The following DDHD1 variants were observed in gnomAD, a reference collection of about 807,000 sequenced individuals.
The protein encoded by DDHD1 is phospholipase DDHD1.
Under a neutral mutation model 96.4 loss-of-function variants are expected in DDHD1, and 49 were observed. That is an observed-to-expected ratio of 0.51 (90% CI 0.40 to 0.64). The LOEUF is 0.64. Among genes scored for constraint, DDHD1 ranks in the 30% least tolerant of loss-of-function variants. The pLI is 0.00. For missense variants in DDHD1, 1,106 were observed against 1,161.2 expected (o/e 0.95, Z 0.69); for synonymous variants, 442 against 446.5 (o/e 0.99, Z 0.13).
At chr14:53,139,619 G>T (rs12893319) in intron 1 of DDHD1, among the ~76,000 whole-genome samples, 1 of 152,094 alleles carries the variant, frequency 6.6e-6, no homozygotes, top group South Asian at 2.1e-4. Context: ...CTGGGAGGCA[G>T]AAGTTGCAGT....
chr14:53,102,170 G>A (rs1887350429), intron 2 of DDHD1, among the ~76,000 whole-genome samples: 1 of 151,982 alleles, frequency 6.6e-6, no homozygotes, highest in Non-Finnish European at 1.5e-5. Flanking sequence ...ATGATAAAAG[G>A]TCTATCCTTC....
rs1245340011 is a variant in DDHD1 at position 53,098,358 on chromosome 14, CT to C, written c.1013-4915del. On this transcript the variant is annotated intron_variant, in intron 2 of 12. Coordinates refer to ENST00000673822, the MANE Select transcript of DDHD1 (RefSeq NM_001160148.2). ...CCTTACTATATCTTAAAGAAACTTT[CT>C]GCATTATATAACTCTGAAAGCACAA... Among the ~76,000 whole-genome samples, 33 of 152,024 alleles carry C rather than the reference CT, an allele frequency of 2.2e-4. 1 individual carries two copies. The highest frequency in any genetic ancestry group is 1.7e-3 in the Admixed American group (26 of 15,278).
At chr14:53,123,571 G>A (rs577674992) in intron 1 of DDHD1, among the ~76,000 whole-genome samples, 19 of 152,262 alleles carry the variant, frequency 1.2e-4, no homozygotes, top group Admixed American at 3.3e-4. Flanking sequence ...ACTATGCACA[G>A]TAAAAACAAA....
intron 1 of DDHD1, among the ~76,000 whole-genome samples, chr14:53,137,632 T>C (rs970492568): frequency 2.0e-5 from 3 of 151,096 alleles, no homozygotes; most frequent in Admixed American, 6.6e-5. Context: ...TAAAAGAAAA[T>C]CACAGGGCTA....
rs1595105109 is a variant in DDHD1, at chr14:53,063,013, A to C, written c.1696T>G (p.Leu566Val). 3 of 1,613,956 alleles carry C rather than the reference A, an allele frequency of 1.9e-6. No homozygotes were observed. The highest frequency in any genetic ancestry group is 2.5e-6 in the Non-Finnish European group (3 of 1,179,962). Residue 566 changes from leucine (L) to valine (V), a missense_variant, in exon 7 of 13, where the codon TTG (leucine) becomes GTG (valine). Coordinates refer to ENST00000673822, the MANE Select transcript of DDHD1 (RefSeq NM_001160148.2). ...TAGCTCATCCATCGTTCATCAGGCA[A>C]CTCTTCTTCCTTTTGCAGCAACTGT... ...YEQLLQKEEE[L>V]PDERWMSYEE...
intron 8 of DDHD1, among the ~76,000 whole-genome samples, chr14:53,060,066 A>T (rs1883420565): frequency 6.6e-6 from 1 of 152,056 alleles, no homozygotes. Context: ...AAAAACTCTT[A>T]ACGTTTTAAA....
chr14:53,095,854 GTTAAGCCAGAAAAA>G (rs557224866), intron 2 of DDHD1, among the ~76,000 whole-genome samples: 85 of 152,208 alleles, frequency 5.6e-4, no homozygotes, highest in African/African-American at 2.0e-3. Context: ...AGAGATGAGT[GTTAAGCCAGAAAAA>G]TTATTTTCCT....
In DDHD1 at chr14:53,065,728, G is replaced by A. The variant is rs186819191; in HGVS notation, c.1504-2523C>T. The stretch of plus-strand genomic sequence containing the variant: ...CTAATTTAAACTGCTGTGAAGGTAG[G>A]AGTCCCTTCAGTAGCATCCCTGAGA... On this transcript the variant is annotated intron_variant, in intron 6 of 12. Transcript: ENST00000673822. Among the ~76,000 whole-genome samples the A allele has an allele frequency of 1.8e-4, 28 of 152,254 alleles. 1 individual carries two copies. In the East Asian group the frequency reaches 5.2e-3, roughly 28 times the overall value.
chr14:53,145,660 T>C (rs1890930374), intron 1 of DDHD1, among the ~76,000 whole-genome samples: 1 of 152,122 alleles, frequency 6.6e-6, no homozygotes, highest in African/African-American at 2.4e-5. Context: ...TTTCCATTCA[T>C]ATAGTTAATA....
intron 4 of DDHD1, 33 bp from the exon 5 acceptor site, chr14:53,073,880 A>G (rs758548220): frequency 5.3e-5 from 82 of 1,556,800 alleles, no homozygotes; most frequent in Non-Finnish European, 6.9e-5. Context: ...ATGCAAACAA[A>G]GCTTTATGAG....
chr14:53,082,445 T>C (rs1223887097), intron 4 of DDHD1, among the ~76,000 whole-genome samples: 9 of 143,210 alleles, frequency 6.3e-5, no homozygotes, highest in African/African-American at 2.5e-4. Context: ...AAGATACCTT[T>C]TTTTTTTTTT....
At chr14:53,129,111 T>C (rs572173754) in intron 1 of DDHD1, among the ~76,000 whole-genome samples, 41 of 152,332 alleles carry the variant, frequency 2.7e-4, no homozygotes, top group African/African-American at 9.9e-4. Flanking sequence ...CCAGGTGAAA[T>C]AAACAGCCTT....
In DDHD1 at chr14:53,073,852, A is replaced by G. The variant is rs767317061; in HGVS notation, c.1290-5T>C. ...TTTCTTGCAGCTTCTCTCATCCTAA[A>G]AAAACAAACAAACAAAAATGCAAAC... On this transcript the variant is annotated splice_region_variant and splice_polypyrimidine_tract_variant and intron_variant, in intron 4 of 12. Transcript: ENST00000673822. 69 of 1,606,138 alleles carry G rather than the reference A, an allele frequency of 4.3e-5. No homozygotes were observed. Among genetic ancestry groups the G allele is most frequent in the Non-Finnish European group, 5.7e-5 (67 of 1,175,948 alleles).
intron 1 of DDHD1, among the ~76,000 whole-genome samples, chr14:53,133,175 G>T (rs1889997065): frequency 6.6e-6 from 1 of 152,128 alleles, no homozygotes; most frequent in African/African-American, 2.4e-5. Flanking sequence ...CTCAGGGATT[G>T]TTCAGGCCCC....
intron 5 of DDHD1, among the ~76,000 whole-genome samples, chr14:53,073,409 A>G (rs1040426688): frequency 1.3e-5 from 2 of 151,320 alleles, no homozygotes; most frequent in African/African-American, 4.9e-5. Context: ...ATATTTTTAA[A>G]GTACTGACAA....
At chr14:53,095,223 C>A (rs1440523290) in intron 2 of DDHD1, among the ~76,000 whole-genome samples, 8 of 152,120 alleles carry the variant, frequency 5.3e-5, no homozygotes, top group Non-Finnish European at 1.5e-5. Flanking sequence ...AATCACTATG[C>A]TTGATTTATT....
intron 1 of DDHD1, among the ~76,000 whole-genome samples, chr14:53,123,681 A>G (rs1021622475): frequency 6.6e-6 from 1 of 152,198 alleles, no homozygotes; most frequent in Non-Finnish European, 1.5e-5. Context: ...GACTGTTTAC[A>G]TAAAGCTAAA....
chr14:53,103,250 T>C lies in DDHD1; in HGVS notation c.1012+433A>G, dbSNP rs190148376. 5.6e-4 allele frequency: 259 copies of C among 465,848 alleles called. 2 individuals are homozygous for C. In the Admixed American group the frequency reaches 5.8e-3, roughly 10 times the overall value. 28.9% of individuals were successfully genotyped at this position (465,848 alleles called of 1,614,324 possible). A position where few individuals can be genotyped will look rare whatever the true frequency, so the allele number is the denominator to read the frequency against. On this transcript the variant is annotated intron_variant, in intron 2 of 12. Transcript: ENST00000673822. ...AATTAAAACTTGATATGGTTTTCAA[T>C]AGGGGATAACTAAGAGATACACAAA...
At chr14:53,064,304 T>C (rs1883841201) in intron 6 of DDHD1, among the ~76,000 whole-genome samples, 1 of 152,078 alleles carries the variant, frequency 6.6e-6, no homozygotes. Flanking sequence ...CTTAATCGTT[T>C]TTATTTTTGA....
Sources: allele counts gnomAD v4.1 joint callset (sites outside exome capture counted in the v4.1 genomes callset), GRCh38; gene constraint gnomAD v4.1.1; transcripts MANE v1.5; gene names NCBI Gene and HGNC (gene_info 2026-07-23, HGNC 2026-07-21).